The following UBE2F variants were observed in gnomAD, a reference collection of about 807,000 sequenced individuals.
The protein encoded by UBE2F is ubiquitin conjugating enzyme E2 F (putative).
A neutral mutation model predicts 29.6 loss-of-function variants in UBE2F; 5 were observed. That is an observed-to-expected ratio of 0.17 (90% CI 0.09 to 0.36). The LOEUF (loss-of-function observed/expected upper bound fraction) is 0.36, where lower values mean the gene tolerates loss of function less well. Among genes scored for constraint, UBE2F ranks in the 10% least tolerant of loss-of-function variants. The probability of loss-of-function intolerance (pLI) is 1.00; values close to 1 mark genes in which losing one functional copy is unlikely to be tolerated. For missense variants in UBE2F, 141 were observed against 228.5 expected, an observed-to-expected ratio of 0.62 and a Z score of 2.47; for synonymous variants, 66 against 81.8, an observed-to-expected ratio of 0.81 and a Z score of 1.04.
intron 3 of UBE2F, among the ~76,000 whole-genome samples, chr2:237,992,579 T>C (rs2063611995): frequency 6.6e-6 from 1 of 152,224 alleles, no homozygotes; most frequent in African/African-American, 2.4e-5. Context: ...TATTTGCTGC[T>C]TGTATATACA....
intron 7 of UBE2F, among the ~76,000 whole-genome samples, chr2:238,031,052 C>T (rs1466740248): frequency 1.3e-5 from 2 of 152,150 alleles, no homozygotes; most frequent in African/African-American, 2.4e-5. Context: ...GGCAGGGACC[C>T]TAGGGGAACA....
At chr2:237,973,276 TTGAC>T in intron 2 of UBE2F, 51 bp downstream of exon 2, 5 of 1,585,364 alleles carry the variant, frequency 3.2e-6, no homozygotes, top group Admixed American at 1.7e-5. Flanking sequence ...AAAAGGAAGT[TTGAC>T]TGGAGAGTCT....
intron 5 of UBE2F, among the ~76,000 whole-genome samples, chr2:238,023,710 T>A (rs1215073222): frequency 6.6e-6 from 1 of 152,032 alleles, no homozygotes; most frequent in Non-Finnish European, 1.5e-5. Flanking sequence ...ACCTTTCTGA[T>A]GAGATCCTGT....
At chr2:238,008,551 C>T (rs2063953266) in intron 4 of UBE2F, among the ~76,000 whole-genome samples, 1 of 151,968 alleles carries the variant, frequency 6.6e-6, no homozygotes, top group South Asian at 2.1e-4. Context: ...TAATTTTTGT[C>T]TTTTTCTCTT....
intron 3 of UBE2F, among the ~76,000 whole-genome samples, chr2:237,993,572 G>A (rs534906258): frequency 4.6e-5 from 7 of 152,266 alleles, no homozygotes; most frequent in African/African-American, 1.4e-4. Flanking sequence ...AATTAGCCAG[G>A]TGTGGTGGTG....
chr2:237,971,677 A>G (rs1249699870), intron 1 of UBE2F, among the ~76,000 whole-genome samples: 4 of 152,342 alleles, frequency 2.6e-5, no homozygotes, highest in Admixed American at 1.3e-4. Flanking sequence ...CTCTCTGACC[A>G]TGGCAAGGAG....
At chr2:237,985,560 A>G (rs978284690) in intron 2 of UBE2F, among the ~76,000 whole-genome samples, 6 of 152,264 alleles carry the variant, frequency 3.9e-5, no homozygotes, top group Non-Finnish European at 5.9e-5. Flanking sequence ...CAATGTTCCA[A>G]CATATATACT....
At chr2:238,013,106 A>G (rs1015224290) in intron 4 of UBE2F, among the ~76,000 whole-genome samples, 3 of 152,032 alleles carry the variant, frequency 2.0e-5, no homozygotes, top group Admixed American at 6.6e-5. Flanking sequence ...GTGAGACCCC[A>G]TCTCTACAAA....
chr2:238,030,207 T>G (rs2064541184), intron 6 of UBE2F, among the ~76,000 whole-genome samples: 1 of 152,210 alleles, frequency 6.6e-6, no homozygotes, highest in African/African-American at 2.4e-5. Flanking sequence ...ATGCTGAGAT[T>G]ACAGGCATGA....
chr2:237,978,782 T>TG lies in UBE2F; in HGVS notation c.118+5560dup, dbSNP rs144012452. Among the ~76,000 whole-genome samples, 424 of 152,306 alleles carry TG rather than the reference T, an allele frequency of 2.8e-3. 2 individuals are homozygous for TG. The highest frequency in any genetic ancestry group is 9.7e-3 in the African/African-American group (402 of 41,572). On this transcript the variant is annotated intron_variant, in intron 2 of 9. Coordinates refer to ENST00000272930, the MANE Select transcript of UBE2F (RefSeq NM_080678.3). ...ATCTGCATTTGAGCTGGCCCTGACTTGGGTCCAGGCCTGACTGGAGGGCTG... is the reference window on the plus strand; with the variant it reads ...ATCTGCATTTGAGCTGGCCCTGACTTGGGGTCCAGGCCTGACTGGAGGGCTG...
intron 2 of UBE2F, among the ~76,000 whole-genome samples, chr2:237,979,113 G>T (rs1236039204): frequency 1.3e-5 from 2 of 152,214 alleles, no homozygotes; most frequent in Admixed American, 1.3e-4. Context: ...TTTGTTAAAT[G>T]TGGGGATTTG....
At chr2:237,984,633 T>C (rs1375676981) in intron 2 of UBE2F, among the ~76,000 whole-genome samples, 3 of 152,236 alleles carry the variant, frequency 2.0e-5, no homozygotes, top group African/African-American at 7.2e-5. Flanking sequence ...CAGAGCACAC[T>C]ACTTTCTGTC....
chr2:237,975,458 A>AT (rs2063262498), intron 2 of UBE2F, among the ~76,000 whole-genome samples: 1 of 152,170 alleles, frequency 6.6e-6, no homozygotes, highest in Non-Finnish European at 1.5e-5. Context: ...CAAAGGGTTG[A>AT]TTAGTGTATT....
At chr2:237,989,415 A>G (rs530285163) in intron 3 of UBE2F, among the ~76,000 whole-genome samples, 1 of 150,954 alleles carries the variant, frequency 6.6e-6, no homozygotes, top group South Asian at 2.1e-4. Flanking sequence ...TGCAGTGGTG[A>G]GATCTCGGTT....
At chr2:237,973,016 C>T (rs929759897) in intron 1 of UBE2F, 76 bp from the exon 2 acceptor site, 5 of 1,467,642 alleles carry the variant, frequency 3.4e-6, no homozygotes, top group Non-Finnish European at 4.6e-6. Flanking sequence ...TACAAAAGCA[C>T]TTATACATTT....
chr2:238,025,256 G>C (rs2064394408), intron 5 of UBE2F, 86 bp from the exon 6 acceptor site: 7 of 1,153,818 alleles, frequency 6.1e-6, no homozygotes, highest in Admixed American at 5.2e-5. Context: ...CAAGCGTCTA[G>C]ATAGGGGATG....
At chr2:237,978,559 C>T (rs930265999) in intron 2 of UBE2F, among the ~76,000 whole-genome samples, 1 of 152,218 alleles carries the variant, frequency 6.6e-6, no homozygotes, top group African/African-American at 2.4e-5. Context: ...GGGAGGCCTC[C>T]AGATGGCCGC....
rs565970077 is a variant in UBE2F, at chr2:238,021,281, T to G, written c.283-4061T>G. Among the ~76,000 whole-genome samples the G allele has an allele frequency of 9.8e-5, 15 of 152,286 alleles. No individual in the cohort carries two copies. The South Asian group carries it at 2.9e-3, about 29-fold the overall frequency. ...CCTGGAGGAGGAGAGCCAGAGACAC[T>G]TGTTGAACAGCAGTGATGACGACCA... On this transcript the variant is annotated intron_variant, in intron 5 of 9. Coordinates refer to ENST00000272930, the MANE Select transcript of UBE2F (RefSeq NM_080678.3).
chr2:238,017,631 C>T (rs1299786155), intron 5 of UBE2F, among the ~76,000 whole-genome samples: 5 of 152,260 alleles, frequency 3.3e-5, no homozygotes, highest in African/African-American at 9.6e-5. Context: ...TGATGTGTCT[C>T]GGCCCAAATT....
Sources: allele counts gnomAD v4.1 joint callset (sites outside exome capture counted in the v4.1 genomes callset), GRCh38; gene constraint gnomAD v4.1.1; transcripts MANE v1.5; gene names NCBI Gene and HGNC (gene_info 2026-07-23, HGNC 2026-07-21).